PDHB: variants seen among roughly 807,000 people sequenced by gnomAD.
PDHB encodes the protein pyruvate dehydrogenase E1 component subunit beta, mitochondrial.
PDHB carries 17 observed loss-of-function variants against 42.8 expected under a neutral mutation model. The observed-to-expected ratio is 0.40, with a 90% CI of 0.27 to 0.60. PDHB has a LOEUF of 0.60. Ranked by LOEUF, PDHB falls within the 20% of genes least tolerant of loss-of-function variation. PDHB has a pLI of 0.46. For missense variants in PDHB, 322 were observed against 451.3 expected (o/e 0.71, Z 2.60); for synonymous variants, 154 against 148.7 (o/e 1.04, Z -0.26).
chr3:58,428,579 C>T lies in PDHB; in HGVS notation c.828G>A (p.Met276Ile). 1 of 1,613,738 alleles carries T rather than the reference C, an allele frequency of 6.2e-7. No individual in the cohort carries two copies. Among genetic ancestry groups the T allele is most frequent in the Non-Finnish European group, 8.5e-7 (1 of 1,179,622 alleles). Reference sequence around the variant, plus strand: ...TCATGACACTGGCTTCTATGGTTTCCATGTCCATTGGTCTAATGGTACGCA... The same window carrying T: ...TCATGACACTGGCTTCTATGGTTTCTATGTCCATTGGTCTAATGGTACGCA... ...INMRTIRPMD[M>I]ETIEASVMKT... Residue 276 changes from methionine (M) to isoleucine (I), a missense_variant, in exon 9 of 10, where the codon ATG (methionine) becomes ATA (isoleucine). Transcript: ENST00000302746.
intron 2 of PDHB, chr3:58,433,387 T>TCCTC: frequency 1.7e-6 from 1 of 596,954 alleles, no homozygotes; most frequent in Non-Finnish European, 3.0e-6. Context: ...AAACATGGAG[T>TCCTC]GAGGGAGGAA....
At position 58,428,361 on chromosome 3, in the gene PDHB, G is replaced by A. The variant is rs1576955224; in HGVS notation, c.934+112C>T. The stretch of plus-strand genomic sequence containing the variant: ...GAAATGCCAAACTTACAAGTTTAAA[G>A]TTGAAGTCGTTTGGCCACTCCTAGC... On this transcript the variant is annotated intron_variant, in intron 9 of 9. Transcript: ENST00000302746. The A allele has an allele frequency of 2.3e-6, 3 of 1,326,422 alleles. No homozygotes were observed. In the East Asian group the frequency reaches 6.9e-5, roughly 31 times the overall value. The allele number at this position is 1,326,422 out of a possible 1,614,324, so 82.2% of individuals were successfully genotyped here.
chr3:58,430,899 G>T lies in PDHB; in HGVS notation c.347C>A (p.Ser116Tyr). 6.2e-7 allele frequency: 1 copy of T among 1,614,216 alleles called. No homozygotes were observed. The highest frequency in any genetic ancestry group is 8.5e-7 in the Non-Finnish European group (1 of 1,180,034). ...PICEFMTFNF[S>Y]MQAIDQVINS... ...TATAACCTGGTCAATGGCTTGCATG[G>T]AGAAATTGAAGGTCATAAATTCACA... is the stretch of plus-strand genomic sequence containing the variant. Residue 116 changes from serine (S) to tyrosine (Y), a missense_variant, in exon 6 of 10, where the codon TCC (serine) becomes TAC (tyrosine). Ser to Tyr is a moderately radical substitution (Grantham distance 144, BLOSUM62 -2). This residue lies in a region of PDHB where 56 missense variants were observed against 124.2 expected (regional missense o/e 0.45). Coordinates refer to ENST00000302746, the MANE Select transcript of PDHB (RefSeq NM_000925.4).
chr3:58,428,283 T>G, intron 9 of PDHB, 104 bp from the exon 10 acceptor site: 1 of 1,245,958 alleles, frequency 8.0e-7, no homozygotes, highest in Non-Finnish European at 1.2e-6. Context: ...TAAGGAATGC[T>G]AATTATGGGG....
chr3:58,431,199 T>A lies in PDHB; in HGVS notation c.304-257A>T. Reference sequence around the variant, plus strand: ...GGGACTGCAGGCAAGCACCACCACATCTACCTACTTGGTATTTTTTTTTTT... The same window carrying A: ...GGGACTGCAGGCAAGCACCACCACAACTACCTACTTGGTATTTTTTTTTTT... On this transcript the variant is annotated intron_variant, in intron 5 of 9. Coordinates refer to ENST00000302746, the MANE Select transcript of PDHB (RefSeq NM_000925.4). This position sits in a 1 kb window ranked among gnomAD's most constrained non-coding sequence, Gnocchi z 4.4. 1.8e-6 allele frequency: 1 copy of A among 544,820 alleles called. No homozygotes were observed. Among genetic ancestry groups the A allele is most frequent in the Non-Finnish European group, 3.3e-6 (1 of 306,342 alleles). 33.7% of individuals were successfully genotyped at this position (544,820 alleles called of 1,614,324 possible).
rs555536762 is a variant in PDHB at position 58,427,937 on chromosome 3, T to G, written c.*97A>C. 1.0e-4 allele frequency: 98 copies of G among 937,470 alleles called. No individual in the cohort carries two copies. The highest frequency in any genetic ancestry group is 8.4e-4 in the Admixed American group (43 of 51,476). The allele number at this position is 937,470 out of a possible 1,614,324, so 58.1% of individuals were successfully genotyped here. A position where few individuals can be genotyped will look rare whatever the true frequency, so the allele number is the denominator to read the frequency against. On this transcript the variant is annotated 3_prime_UTR_variant, in exon 10 of 10. Transcript: ENST00000302746. ...TACCTGCTGTTGCTTTAGAAATCGT[T>G]TTCCGTTATGAATAGTCAGGTCTTG... is the stretch of plus-strand genomic sequence containing the variant.
intron 2 of PDHB, 49 bp downstream of exon 2, chr3:58,433,582 A>C (rs1237511669): frequency 1.3e-6 from 2 of 1,568,590 alleles, no homozygotes; most frequent in East Asian, 2.3e-5. Context: ...TTCCCGAGAG[A>C]AGGGGGGACC....
intron 2 of PDHB, 69 bp from the exon 3 acceptor site, chr3:58,432,053 T>A: frequency 1.9e-6 from 2 of 1,062,846 alleles, no homozygotes; most frequent in Admixed American, 3.5e-5. Context: ...TCTTCCTTTA[T>A]ATTTACCTAG....
At position 58,427,951 on chromosome 3, in the gene PDHB, A is replaced by G; in HGVS notation, c.*83T>C. 1.0e-6 allele frequency: 1 copy of G among 994,858 alleles called. No homozygotes were observed. The allele number at this position is 994,858 out of a possible 1,614,324, so 61.6% of individuals were successfully genotyped here. A position where few individuals can be genotyped will look rare whatever the true frequency, so the allele number is the denominator to read the frequency against. On this transcript the variant is annotated 3_prime_UTR_variant, in exon 10 of 10. Coordinates refer to ENST00000302746, the MANE Select transcript of PDHB (RefSeq NM_000925.4). ...TTAGAAATCGTTTTCCGTTATGAAT[A>G]GTCAGGTCTTGCAGTACAAATCCAG...
In PDHB at chr3:58,430,276, A is replaced by G. The variant is rs542992413; in HGVS notation, c.590-38T>C. 3 of 1,330,410 alleles carry G rather than the reference A, an allele frequency of 2.3e-6. No individual in the cohort carries two copies. The Admixed American group carries it at 5.1e-5, about 23-fold the overall frequency. The allele number at this position is 1,330,410 out of a possible 1,614,324, so 82.4% of individuals were successfully genotyped here. A position where few individuals can be genotyped will look rare whatever the true frequency, so the allele number is the denominator to read the frequency against. ...AATATTTAAACAAAAGTAATTAATC[A>G]CATCCAGAATGACTAAAACTGCATA... On this transcript the variant is annotated intron_variant, in intron 6 of 9. Transcript: ENST00000302746.
chr3:58,429,228 A>T (rs2062899951), intron 8 of PDHB, among the ~76,000 whole-genome samples: 1 of 152,226 alleles, frequency 6.6e-6, no homozygotes, highest in Non-Finnish European at 1.5e-5. Flanking sequence ...ATGACGGGAC[A>T]GTATTTATAT....
In PDHB at chr3:58,431,282, C is replaced by T; in HGVS notation, c.303+311G>A. 1 of 465,496 alleles carries T rather than the reference C, an allele frequency of 2.1e-6. No homozygotes were observed. Among genetic ancestry groups the T allele is most frequent in the South Asian group, 2.2e-5 (1 of 45,770 alleles). The allele number at this position is 465,496 out of a possible 1,614,324, so 28.8% of individuals were successfully genotyped here. ...ATCTCTTTGGGGATGGGCACAGTGG[C>T]TCACGCCTGTAATCCCAGCACTTTG... On this transcript the variant is annotated intron_variant, in intron 5 of 9. Coordinates refer to ENST00000302746, the MANE Select transcript of PDHB (RefSeq NM_000925.4). This position sits in a 1 kb window ranked among gnomAD's most constrained non-coding sequence, Gnocchi z 4.4.
chr3:58,431,532 A>G lies in PDHB; in HGVS notation c.303+61T>C. On this transcript the variant is annotated intron_variant, in intron 5 of 9. Coordinates refer to ENST00000302746, the MANE Select transcript of PDHB (RefSeq NM_000925.4). This position sits in a 1 kb window ranked among gnomAD's most constrained non-coding sequence, Gnocchi z 4.4. ...GACAACAGAGTGAGACTCTGTCTCA[A>G]AAGAAAAAAAAAGAAAACAAGAAAT... The G allele has an allele frequency of 7.3e-7, 1 of 1,376,338 alleles. No homozygotes were observed. Among genetic ancestry groups the G allele is most frequent in the South Asian group, 1.2e-5 (1 of 85,738 alleles). The allele number at this position is 1,376,338 out of a possible 1,614,324, so 85.3% of individuals were successfully genotyped here. A position where few individuals can be genotyped will look rare whatever the true frequency, so the allele number is the denominator to read the frequency against.
At chr3:58,429,026 T>C (rs1166994361) in intron 8 of PDHB, among the ~76,000 whole-genome samples, 1 of 152,148 alleles carries the variant, frequency 6.6e-6, no homozygotes, top group Non-Finnish European at 1.5e-5. Flanking sequence ...AGCTAATTTT[T>C]GTATTTTTAG....
Position 58,431,077 on chromosome 3 carries a change from C to G in PDHB, c.304-135G>C. On this transcript the variant is annotated intron_variant, in intron 5 of 9. Coordinates refer to ENST00000302746, the MANE Select transcript of PDHB (RefSeq NM_000925.4). The surrounding 1 kb of genome is among the most constrained non-coding windows in gnomAD (Gnocchi z 4.4). ...TTTATTTTTTATGGACAGGGTCTCA[C>G]TGTCACCCATGCTGGAGTGCAGTGG... 2 of 903,752 alleles carry G rather than the reference C, an allele frequency of 2.2e-6. No homozygotes were observed. Among genetic ancestry groups the G allele is most frequent in the Non-Finnish European group, 1.8e-6 (1 of 570,098 alleles). 56.0% of individuals were successfully genotyped at this position (903,752 alleles called of 1,614,324 possible).
chr3:58,429,048 T>C (rs2062897747), intron 8 of PDHB, among the ~76,000 whole-genome samples: 1 of 151,980 alleles, frequency 6.6e-6, no homozygotes, highest in Non-Finnish European at 1.5e-5. Flanking sequence ...AGAGATGGGG[T>C]TTCAACATGT....
Position 58,431,931 on chromosome 3 carries a change from A to G in PDHB, c.150T>C (p.Asp50=), listed in dbSNP as rs367846961. The part of the protein sequence containing the change: ...NQGMDEELER[D]EKVFLLGEEV... ...CTTCTCCAAGCAGAAATACCTTCTC[A>G]TCTCTTTCCAGCTCCTCATCCATAC... is the stretch of plus-strand genomic sequence containing the variant. The change falls in exon 3 of 10, where the codon GAT becomes GAC. Residue 50 remains aspartate, a synonymous_variant. Transcript: ENST00000302746. This position sits in a 1 kb window ranked among gnomAD's most constrained non-coding sequence, Gnocchi z 4.4. 2.5e-5 allele frequency: 40 copies of G among 1,613,882 alleles called. 1 individual carries two copies. In the Admixed American group the frequency reaches 3.5e-4, roughly 14 times the overall value.
At chr3:58,430,260 A>G in intron 6 of PDHB, 22 bp from the exon 7 acceptor site, 1 of 1,445,970 alleles carries the variant, frequency 6.9e-7, no homozygotes, top group Non-Finnish European at 9.7e-7. Flanking sequence ...AAATATTTAA[A>G]CAAAAGTAAT....
chr3:58,433,295 G>C (rs545829568), intron 2 of PDHB: 1 of 488,342 alleles, frequency 2.0e-6, no homozygotes, highest in South Asian at 2.3e-5. Flanking sequence ...ACAACATGGT[G>C]AATGTACTTA....
Sources: gnomAD v4.1 joint callset for allele counts (sites outside exome capture counted in the v4.1 genomes callset) on GRCh38, gnomAD v4.1.1 for gene constraint, gnomAD v4.1.1 regional missense constraint, Gnocchi (gnomAD v3.1) non-coding constraint, MANE v1.5 for transcripts, NCBI Gene and HGNC (gene_info 2026-07-23, HGNC 2026-07-21) for gene names.